Variants in SIL1 observed in about 807,000 individuals in gnomAD.
The protein encoded by SIL1 is SIL1 nucleotide exchange factor.
A neutral mutation model predicts 49.1 loss-of-function variants in SIL1; 40 were observed. The observed-to-expected ratio is 0.81, with a 90% CI of 0.63 to 1.06. The LOEUF (loss-of-function observed/expected upper bound fraction) is 1.06, where lower values mean the gene tolerates loss of function less well. Among genes scored for constraint, SIL1 ranks in the 50% least tolerant of loss-of-function variants. SIL1 has a pLI of 0.00. For synonymous variants in SIL1, 253 were observed against 250.8 expected, an observed-to-expected ratio of 1.01 and a Z score of -0.08; for missense variants, 500 against 572.6, an observed-to-expected ratio of 0.87 and a Z score of 1.29.
intron 7 of SIL1, among the ~76,000 whole-genome samples, chr5:138,956,170 C>G (rs1341541006): frequency 1.3e-5 from 2 of 152,202 alleles, no homozygotes; most frequent in Non-Finnish European, 2.9e-5. Context: ...TTCTGAAATG[C>G]CTCTGAGATG....
chr5:138,959,822 G>A (rs765311711), intron 7 of SIL1, among the ~76,000 whole-genome samples: 1 of 152,164 alleles, frequency 6.6e-6, no homozygotes. Flanking sequence ...GGGCCACTCT[G>A]CCCCTAATGC....
chr5:138,997,347 G>A lies in SIL1; in HGVS notation c.767+23824C>T, dbSNP rs151115180. On this transcript the variant is annotated intron_variant, in intron 7 of 9. Coordinates refer to ENST00000394817, the MANE Select transcript of SIL1 (RefSeq NM_022464.5). ...TAGAGGTCCAGTTTCATTCTTCTGC[G>A]TATGGTTATCCGGTTTTCCCAGCAC... Among the ~76,000 whole-genome samples, 1,301 of 152,230 alleles carry A rather than the reference G, an allele frequency of 8.5e-3. 20 individuals carry two copies. Among genetic ancestry groups the A allele is most frequent in the African/African-American group, 0.03 (1,227 of 41,534 alleles).
intron 3 of SIL1, among the ~76,000 whole-genome samples, chr5:139,060,746 G>C (rs557283841): frequency 2.8e-4 from 43 of 152,114 alleles, no homozygotes; most frequent in Non-Finnish European, 5.3e-4. Flanking sequence ...TAGTCTATCA[G>C]ACACAGTTCA....
At chr5:139,181,694 A>G (rs1004332447) in intron 1 of SIL1, among the ~76,000 whole-genome samples, 2 of 152,098 alleles carry the variant, frequency 1.3e-5, no homozygotes, top group Non-Finnish European at 2.9e-5. Flanking sequence ...TCTTTATAGG[A>G]CCCGCCAGAG....
intron 7 of SIL1, among the ~76,000 whole-genome samples, chr5:138,968,094 CG>C (rs1441825868): frequency 6.6e-6 from 1 of 152,072 alleles, no homozygotes; most frequent in Non-Finnish European, 1.5e-5. Context: ...ACATCCAAGT[CG>C]GAAGTCCTTT....
At chr5:139,044,419 T>C (rs1229410158) in intron 4 of SIL1, among the ~76,000 whole-genome samples, 1 of 151,952 alleles carries the variant, frequency 6.6e-6, no homozygotes, top group East Asian at 1.9e-4. Context: ...AAGTCTCAAC[T>C]CTCCCAAGCC....
At chr5:139,050,787 T>C in intron 4 of SIL1, 151 bp downstream of exon 4, 1 of 723,978 alleles carries the variant, frequency 1.4e-6, no homozygotes, top group South Asian at 1.7e-5. Context: ...AGAAGTAAAC[T>C]TTCATAAAAC....
intron 7 of SIL1, among the ~76,000 whole-genome samples, chr5:139,015,793 A>T (rs1768385230): frequency 6.6e-6 from 1 of 152,238 alleles, no homozygotes. Flanking sequence ...CCATCTCTAA[A>T]CTAATACACA....
At chr5:138,984,354 GTTT>G (rs772380838) in intron 7 of SIL1, among the ~76,000 whole-genome samples, 1 of 135,628 alleles carries the variant, frequency 7.4e-6, no homozygotes, top group African/African-American at 2.7e-5. Flanking sequence ...GTTTGCTTTT[GTTT>G]TTTTTTTTTT....
At chr5:138,956,204 G>A (rs1766897810) in intron 7 of SIL1, among the ~76,000 whole-genome samples, 2 of 152,164 alleles carry the variant, frequency 1.3e-5, no homozygotes, top group Admixed American at 6.5e-5. Flanking sequence ...AGGGCAGAGG[G>A]CACATCTCAG....
intron 1 of SIL1, among the ~76,000 whole-genome samples, chr5:139,185,119 G>T (rs1561894464): frequency 6.6e-6 from 1 of 152,150 alleles, no homozygotes; most frequent in African/African-American, 2.4e-5. Context: ...GTCTGTGTGG[G>T]TTTTCTCCAA....
At chr5:139,062,071 C>A (rs1022556016) in intron 3 of SIL1, among the ~76,000 whole-genome samples, 1 of 152,188 alleles carries the variant, frequency 6.6e-6, no homozygotes, top group Non-Finnish European at 1.5e-5. Flanking sequence ...TTATTCAAAA[C>A]CCCCGAACAA....
intron 7 of SIL1, among the ~76,000 whole-genome samples, chr5:138,998,321 CCA>C (rs1489288532): frequency 6.6e-6 from 1 of 152,086 alleles, no homozygotes; most frequent in Non-Finnish European, 1.5e-5. Flanking sequence ...GCGCGCACCA[CCA>C]CACTTGGCAA....
chr5:138,946,956 C>T lies in SIL1; in HGVS notation c.*161G>A. Reference sequence around the variant, plus strand: ...CTGACCCCCCGGCCACAGGGCTGTGCCCAGTCTACACAGACACACAGCAGA... The same window carrying T: ...CTGACCCCCCGGCCACAGGGCTGTGTCCAGTCTACACAGACACACAGCAGA... On this transcript the variant is annotated 3_prime_UTR_variant, in exon 10 of 10. Transcript: ENST00000394817. 1.5e-6 allele frequency: 1 copy of T among 680,974 alleles called. No individual in the cohort carries two copies. The highest frequency in any genetic ancestry group is 1.7e-5 in the South Asian group (1 of 59,416). The allele number at this position is 680,974 out of a possible 1,614,324, so 42.2% of individuals were successfully genotyped here. A position where few individuals can be genotyped will look rare whatever the true frequency, so the allele number is the denominator to read the frequency against.
At chr5:138,998,259 G>A (rs1767914203) in intron 7 of SIL1, among the ~76,000 whole-genome samples, 1 of 152,070 alleles carries the variant, frequency 6.6e-6, no homozygotes, top group African/African-American at 2.4e-5. Flanking sequence ...AGCTCACTGA[G>A]GCTTCAACCT....
chr5:139,146,739 A>G (rs534451558), intron 1 of SIL1, among the ~76,000 whole-genome samples: 5 of 152,292 alleles, frequency 3.3e-5, no homozygotes. Context: ...TTCTACCTCT[A>G]AGATGATCAT....
intron 7 of SIL1, among the ~76,000 whole-genome samples, chr5:138,991,720 G>C (rs1471247364): frequency 2.0e-5 from 3 of 152,192 alleles, no homozygotes; most frequent in African/African-American, 7.2e-5. Flanking sequence ...AAGAGCTGCT[G>C]GGAGAGAATA....
chr5:139,023,842 C>T (rs141517889), intron 6 of SIL1, among the ~76,000 whole-genome samples: 1 of 152,370 alleles, frequency 6.6e-6, no homozygotes, highest in Non-Finnish European at 1.5e-5. Flanking sequence ...AACATTGCTG[C>T]ATGGCAGCCT....
At chr5:139,017,212 G>C (rs1442290750) in intron 7 of SIL1, 1 of 152,262 alleles carries the variant, frequency 6.6e-6, no homozygotes, top group African/African-American at 2.4e-5. Flanking sequence ...GAAATTAAGA[G>C]AGCCAACAAA....
Sources: allele counts gnomAD v4.1 joint callset (sites outside exome capture counted in the v4.1 genomes callset), GRCh38; gene constraint gnomAD v4.1.1; transcripts MANE v1.5; gene names NCBI Gene and HGNC (gene_info 2026-07-23, HGNC 2026-07-21).